Variants in SLC38A1 observed in about 807,000 individuals in gnomAD.
The protein encoded by SLC38A1 is solute carrier family 38 member 1.
In SLC38A1, 18 loss-of-function variants were observed where a neutral mutation model predicts 60.3. The observed-to-expected ratio is 0.30, with a 90% CI of 0.21 to 0.44. The LOEUF (loss-of-function observed/expected upper bound fraction) is 0.44. SLC38A1 is among the 20% of genes least tolerant of loss of function. The pLI is 1.00. For missense variants in SLC38A1, 448 were observed against 587.2 expected (o/e 0.76, Z 2.45); for synonymous variants, 196 against 212.1 (o/e 0.92, Z 0.66).
Position 46,193,448 on chromosome 12 carries a change from C to T in SLC38A1, c.1362+4272G>A, listed in dbSNP as rs112650651. ...GAGTTCTGTAGATGTCTATGAGGTC[C>T]GCTTGGTGCAGAGCTGAGTTCAAGT... On this transcript the variant is annotated intron_variant, in intron 16 of 16. Coordinates refer to ENST00000398637, the MANE Select transcript of SLC38A1 (RefSeq NM_030674.4). Among the ~76,000 whole-genome samples, 478 of 152,180 alleles carry T rather than the reference C, an allele frequency of 3.1e-3. 5 individuals carry two copies. The highest frequency in any genetic ancestry group is 0.01 in the African/African-American group (417 of 41,506).
intron 7 of SLC38A1, 111 bp from the exon 8 acceptor site, chr12:46,207,347 C>T: frequency 9.3e-7 from 1 of 1,070,326 alleles, no homozygotes; most frequent in Non-Finnish European, 1.4e-6. Flanking sequence ...GACACAAAGG[C>T]AACTTCAGCT....
chr12:46,250,961 A>G (rs1294321391), intron 1 of SLC38A1, among the ~76,000 whole-genome samples: 1 of 152,198 alleles, frequency 6.6e-6, no homozygotes, highest in Non-Finnish European at 1.5e-5. Flanking sequence ...CAAGCTACCA[A>G]TGACTTTCTT....
intron 5 of SLC38A1, among the ~76,000 whole-genome samples, chr12:46,218,881 A>G (rs1054312313): frequency 2.0e-5 from 3 of 151,982 alleles, no homozygotes; most frequent in African/African-American, 7.3e-5. Context: ...CCTGGGTGCA[A>G]TGGCAGAACT....
At chr12:46,263,933 A>G (rs1191791631) in intron 1 of SLC38A1, among the ~76,000 whole-genome samples, 1 of 152,202 alleles carries the variant, frequency 6.6e-6, no homozygotes, top group Non-Finnish European at 1.5e-5. Flanking sequence ...GGAGGTCCTC[A>G]TTTAATTTCT....
At chr12:46,240,006 T>C (rs1592133431) in intron 2 of SLC38A1, 113 bp from the exon 3 acceptor site, 2 of 517,904 alleles carry the variant, frequency 3.9e-6, no homozygotes, top group African/African-American at 1.9e-5. Flanking sequence ...TTTTACATGT[T>C]GCTACTAGAT....
At chr12:46,189,193 C>T in intron 16 of SLC38A1, 122 bp from the exon 17 acceptor site, 2 of 662,354 alleles carry the variant, frequency 3.0e-6, no homozygotes, top group East Asian at 5.5e-5. Context: ...CAGAGTTTGT[C>T]ACAACCATGG....
intron 5 of SLC38A1, among the ~76,000 whole-genome samples, chr12:46,214,721 C>G (rs560340413): frequency 4.6e-5 from 7 of 152,274 alleles, no homozygotes; most frequent in African/African-American, 1.7e-4. Flanking sequence ...AACCTCAGGA[C>G]ACTTTAAGGG....
chr12:46,242,672 C>A (rs11183408), intron 2 of SLC38A1, among the ~76,000 whole-genome samples: 1 of 152,076 alleles, frequency 6.6e-6, no homozygotes, highest in African/African-American at 2.4e-5. Context: ...GTGTGTAGCA[C>A]GTGCCTGTGG....
chr12:46,201,604 T>A (rs1939662485), intron 12 of SLC38A1, among the ~76,000 whole-genome samples: 1 of 152,066 alleles, frequency 6.6e-6, no homozygotes, highest in South Asian at 2.1e-4. Context: ...GTGTTCTGTC[T>A]CTAAAGCTGC....
intron 1 of SLC38A1, among the ~76,000 whole-genome samples, chr12:46,245,863 T>G (rs1425246534): frequency 6.6e-6 from 1 of 152,206 alleles, no homozygotes; most frequent in Non-Finnish European, 1.5e-5. Context: ...CCTTTTTTAT[T>G]TTTATTTCCT....
intron 1 of SLC38A1, among the ~76,000 whole-genome samples, chr12:46,260,443 A>T (rs1449033725): frequency 2.6e-5 from 4 of 152,242 alleles, no homozygotes; most frequent in Non-Finnish European, 4.4e-5. Context: ...CAACTTGATC[A>T]TGATCATGCC....
Position 46,185,807 on chromosome 12 carries a change from A to G in SLC38A1, c.*3163T>C, listed in dbSNP as rs11183385. 121,268 of 152,042 alleles carry G rather than the reference A, an allele frequency of 0.8. 48,754 individuals carry two copies. Among genetic ancestry groups the G allele is most frequent in the African/African-American group, 0.9 (37,412 of 41,402 alleles). 9.4% of individuals were successfully genotyped at this position (152,042 alleles called of 1,614,324 possible). ...CCCTCCTCCTACCACCAAGCTCTCC[A>G]GCAGTCATGGACTTATTCCTCCCCG... is the stretch of plus-strand genomic sequence containing the variant. On this transcript the variant is annotated 3_prime_UTR_variant, in exon 17 of 17. Transcript: ENST00000398637.
At chr12:46,230,239 T>C (rs191382680) in intron 3 of SLC38A1, among the ~76,000 whole-genome samples, 2 of 152,290 alleles carry the variant, frequency 1.3e-5, no homozygotes, top group Admixed American at 6.5e-5. Flanking sequence ...GCCTGCTATA[T>C]GCAAGTCACT....
chr12:46,210,367 G>C (rs1403384569), intron 5 of SLC38A1, among the ~76,000 whole-genome samples: 1 of 152,200 alleles, frequency 6.6e-6, no homozygotes, highest in Non-Finnish European at 1.5e-5. Flanking sequence ...AAGAGGGGCA[G>C]AGCTCAGCAG....
chr12:46,245,265 A>G (rs191342923), intron 1 of SLC38A1, among the ~76,000 whole-genome samples: 4 of 152,322 alleles, frequency 2.6e-5, no homozygotes, highest in Non-Finnish European at 5.9e-5. Flanking sequence ...TCAACTCCTG[A>G]GAATCAATTA....
At chr12:46,229,397 C>G in intron 4 of SLC38A1, 129 bp from the exon 5 acceptor site, 2 of 801,076 alleles carry the variant, frequency 2.5e-6, no homozygotes, top group Non-Finnish European at 4.0e-6. Flanking sequence ...TCTTAGTTAT[C>G]TAGTTATTTC....
intron 5 of SLC38A1, among the ~76,000 whole-genome samples, chr12:46,228,325 G>T (rs914500065): frequency 6.6e-6 from 1 of 152,172 alleles, no homozygotes; most frequent in Admixed American, 6.5e-5. Flanking sequence ...TGTAGGATTA[G>T]TAACCATTTC....
rs765676555 is a variant in SLC38A1 at position 46,257,422 on chromosome 12, A to T, written c.-209+11104T>A. Among the ~76,000 whole-genome samples, 5 of 152,156 alleles carry T rather than the reference A, an allele frequency of 3.3e-5. No homozygotes were observed. The East Asian group carries it at 7.7e-4, about 24-fold the overall frequency. ...GGTGTCCTTGTCTTTTATCAAGAGGAGGCTTTAACCCTCTCTGTCTTAGGA... is the reference window on the plus strand; with the variant it reads ...GGTGTCCTTGTCTTTTATCAAGAGGTGGCTTTAACCCTCTCTGTCTTAGGA... On this transcript the variant is annotated intron_variant, in intron 1 of 16. Transcript: ENST00000398637.
In SLC38A1 at chr12:46,190,762, T is replaced by C. The variant is rs533665367; in HGVS notation, c.1363-1691A>G. On this transcript the variant is annotated intron_variant, in intron 16 of 16. Transcript: ENST00000398637. ...TTGAGAAGTGTCTGTTCATATCCTT[T>C]GCCCACTTTTTGATGGGGTTGCTTT... 5.3e-5 allele frequency among the ~76,000 whole-genome samples: 8 copies of C among 152,322 alleles called. No individual in the cohort carries two copies. In the East Asian group the frequency reaches 1.2e-3, roughly 22 times the overall value.
Sources: allele counts gnomAD v4.1 joint callset (sites outside exome capture counted in the v4.1 genomes callset), GRCh38; gene constraint gnomAD v4.1.1; transcripts MANE v1.5; gene names NCBI Gene and HGNC (gene_info 2026-07-23, HGNC 2026-07-21).